The following POLR2D variants were observed in gnomAD, a reference collection of about 807,000 sequenced individuals.
POLR2D encodes RNA polymerase II subunit D, also known as DNA-directed RNA polymerase II subunit RPB4.
POLR2D carries 10 observed loss-of-function variants against 17.6 expected under a neutral mutation model. That is an observed-to-expected ratio of 0.57 (90% CI 0.35 to 0.96). The LOEUF (loss-of-function observed/expected upper bound fraction) is 0.96. Among genes scored for constraint, POLR2D ranks in the 40% least tolerant of loss-of-function variants. The pLI is 0.02. For missense variants in POLR2D, 126 were observed against 176.4 expected (o/e 0.71, Z 1.62); for synonymous variants, 52 against 60.2 (o/e 0.86, Z 0.63).
rs572655048 is a variant in POLR2D at position 127,846,659 on chromosome 2, T to C, written c.*1448A>G. 2.6e-5 allele frequency: 4 copies of C among 151,022 alleles called. No homozygotes were observed. Among genetic ancestry groups the C allele is most frequent in the South Asian group, 2.1e-4 (1 of 4,758 alleles). 9.4% of individuals were successfully genotyped at this position (151,022 alleles called of 1,614,324 possible). Reference sequence around the variant, plus strand: ...CCTATGAAGTAAAAAAAAAAAAAAATTTTTTTAAGTAGAATTGCAATTTTA... The same window carrying C: ...CCTATGAAGTAAAAAAAAAAAAAAACTTTTTTAAGTAGAATTGCAATTTTA... On this transcript the variant is annotated 3_prime_UTR_variant, in exon 4 of 4. Transcript: ENST00000272645.
In POLR2D at chr2:127,843,660, A is replaced by G. The variant is rs903657286; in HGVS notation, c.*4447T>C. The stretch of plus-strand genomic sequence containing the variant: ...CCTCAGGTCTAATAAATCTTAATAA[A>G]ACCAGAATGACTAGATGCTATGGTC... On this transcript the variant is annotated 3_prime_UTR_variant, in exon 4 of 4. Coordinates refer to ENST00000272645, the MANE Select transcript of POLR2D (RefSeq NM_004805.4). 1 of 152,554 alleles carries G rather than the reference A, an allele frequency of 6.6e-6. No homozygotes were observed. Among genetic ancestry groups the G allele is most frequent in the East Asian group, 1.9e-4 (1 of 5,198 alleles). 9.5% of individuals were successfully genotyped at this position (152,554 alleles called of 1,614,324 possible).
chr2:127,853,186 T>C, intron 1 of POLR2D, 81 bp from the exon 2 acceptor site: 1 of 1,115,262 alleles, frequency 9.0e-7, no homozygotes, highest in East Asian at 2.4e-5. Flanking sequence ...CATTTGAACA[T>C]TTCTCTGCCC....
chr2:127,856,250 C>T (rs997093160), intron 1 of POLR2D, among the ~76,000 whole-genome samples: 15 of 130,900 alleles, frequency 1.1e-4, no homozygotes, highest in Non-Finnish European at 1.7e-4. Context: ...GTGATCACAC[C>T]ACTGCACTCC....
intron 1 of POLR2D, among the ~76,000 whole-genome samples, chr2:127,853,816 C>T (rs1339488023): frequency 1.3e-5 from 2 of 152,114 alleles, no homozygotes; most frequent in Non-Finnish European, 2.9e-5. Context: ...TTAAGTTCAC[C>T]CACAGTTACA....
At position 127,852,320 on chromosome 2, in the gene POLR2D, A is replaced by G. The variant is rs1308264572; in HGVS notation, c.254+605T>C. Among the ~76,000 whole-genome samples the G allele has an allele frequency of 6.6e-6, 1 of 152,184 alleles. No individual in the cohort carries two copies. The highest frequency in any genetic ancestry group is 6.5e-5 in the Admixed American group (1 of 15,276). ...TACAGTGGCACAATCACAGCTCACT[A>G]AAGCCTCAACCTCCCAGGCTCACAT... is the stretch of plus-strand genomic sequence containing the variant. On this transcript the variant is annotated intron_variant, in intron 2 of 3. Transcript: ENST00000272645. The surrounding 1 kb of genome is among the most constrained non-coding windows in gnomAD (Gnocchi z 4.0).
chr2:127,853,559 A>AT (rs113011842), intron 1 of POLR2D, among the ~76,000 whole-genome samples: 12,802 of 148,890 alleles, frequency 0.086, 605 homozygotes, highest in Middle Eastern at 0.23. Flanking sequence ...TCGTTCTTTT[A>AT]TTTTTTTTTT....
chr2:127,857,710 G>T, intron 1 of POLR2D: 2 of 775,300 alleles, frequency 2.6e-6, no homozygotes, highest in Non-Finnish European at 3.3e-6. Flanking sequence ...TTCGGTTCAC[G>T]CTGGGCTCTT....
chr2:127,855,772 T>C (rs1207707277), intron 1 of POLR2D, among the ~76,000 whole-genome samples: 2 of 151,814 alleles, frequency 1.3e-5, no homozygotes, highest in African/African-American at 4.9e-5. Flanking sequence ...AAGGAACATT[T>C]TCAAGTGAAG....
rs1690371251 is a variant in POLR2D at position 127,858,082 on chromosome 2, C to G, written c.19G>C (p.Asp7His). 1 of 1,524,342 alleles carries G rather than the reference C, an allele frequency of 6.6e-7. No individual in the cohort carries two copies. Among genetic ancestry groups the G allele is most frequent in the African/African-American group, 1.4e-5 (1 of 69,648 alleles). 94.4% of individuals were successfully genotyped at this position (1,524,342 alleles called of 1,614,324 possible). Residue 7 changes from aspartate (D) to histidine (H), a missense_variant, in exon 1 of 4, where the codon GAT (aspartate) becomes CAT (histidine). Coordinates refer to ENST00000272645, the MANE Select transcript of POLR2D (RefSeq NM_004805.4). MAAGGS[D>H]PRAGDVEEDA... Reference sequence around the variant, plus strand: ...TCCTCTACGTCGCCAGCCCGCGGATCGCTGCCACCCGCCGCCATCGCCGCG... The same window carrying G: ...TCCTCTACGTCGCCAGCCCGCGGATGGCTGCCACCCGCCGCCATCGCCGCG...
chr2:127,857,855 C>T, intron 1 of POLR2D, 173 bp downstream of exon 1: 5 of 1,325,380 alleles, frequency 3.8e-6, no homozygotes, highest in Non-Finnish European at 4.8e-6. Flanking sequence ...CCCAGGCGGT[C>T]CCTCCCAAGG....
At chr2:127,850,935 A>C (rs1481687084) in intron 2 of POLR2D, among the ~76,000 whole-genome samples, 1 of 151,828 alleles carries the variant, frequency 6.6e-6, no homozygotes, top group African/African-American at 2.4e-5. Context: ...AAAATACAAA[A>C]ATTGCCAAGG....
At chr2:127,850,358 T>G (rs1250891842) in intron 3 of POLR2D, among the ~76,000 whole-genome samples, 7 of 143,270 alleles carry the variant, frequency 4.9e-5, no homozygotes. Flanking sequence ...GAGAATCGCT[T>G]GAACCCAGGA....
chr2:127,847,919 T>C lies in POLR2D; in HGVS notation c.*188A>G, dbSNP rs1392461493. On this transcript the variant is annotated 3_prime_UTR_variant, in exon 4 of 4. Coordinates refer to ENST00000272645, the MANE Select transcript of POLR2D (RefSeq NM_004805.4). ...GCCACTGCACAAGGCTGCTCCAAGATTCCATGTCACCTGGGCCTGTGAGTT... is the reference window on the plus strand; with the variant it reads ...GCCACTGCACAAGGCTGCTCCAAGACTCCATGTCACCTGGGCCTGTGAGTT... The C allele has an allele frequency of 1.6e-6, 1 of 613,282 alleles. No individual in the cohort carries two copies. Among genetic ancestry groups the C allele is most frequent in the Admixed American group, 2.7e-5 (1 of 37,586 alleles). 38.0% of individuals were successfully genotyped at this position (613,282 alleles called of 1,614,324 possible). A position where few individuals can be genotyped will look rare whatever the true frequency, so the allele number is the denominator to read the frequency against.
chr2:127,857,124 G>A (rs1156287314), intron 1 of POLR2D: 2 of 152,170 alleles, frequency 1.3e-5, no homozygotes, highest in African/African-American at 4.8e-5. Context: ...ACCAGCCTGG[G>A]CGACATAGTG....
Position 127,845,488 on chromosome 2 carries a change from G to A in POLR2D, c.*2619C>T, listed in dbSNP as rs1198629703. On this transcript the variant is annotated 3_prime_UTR_variant, in exon 4 of 4. Transcript: ENST00000272645. The stretch of plus-strand genomic sequence containing the variant: ...CCTCCCAGGTTCAAGCAATTCTCCT[G>A]CCTCAGCCTCCAGAGTAGCTGAGAT... 1.4e-5 allele frequency: 2 copies of A among 146,854 alleles called. No homozygotes were observed. The highest frequency in any genetic ancestry group is 3.0e-5 in the Non-Finnish European group (2 of 67,624). 9.1% of individuals were successfully genotyped at this position (146,854 alleles called of 1,614,324 possible). A position where few individuals can be genotyped will look rare whatever the true frequency, so the allele number is the denominator to read the frequency against.
intron 3 of POLR2D, among the ~76,000 whole-genome samples, chr2:127,850,304 GT>G (rs1690229955): frequency 6.6e-6 from 1 of 151,898 alleles, no homozygotes; most frequent in South Asian, 2.1e-4. Flanking sequence ...GCCAAGTGTG[GT>G]GGTGCGTGCC....
chr2:127,855,189 G>C (rs920917987), intron 1 of POLR2D, among the ~76,000 whole-genome samples: 4 of 151,976 alleles, frequency 2.6e-5, no homozygotes, highest in Non-Finnish European at 4.4e-5. Flanking sequence ...CTGAGGTCAG[G>C]AGTTCGAGAC....
At chr2:127,854,831 G>A (rs149898265) in intron 1 of POLR2D, among the ~76,000 whole-genome samples, 173 of 152,166 alleles carry the variant, frequency 1.1e-3, no homozygotes, top group Middle Eastern at 6.8e-3. Context: ...TTACTACAGT[G>A]AGAGCCTATT....
intron 3 of POLR2D, among the ~76,000 whole-genome samples, chr2:127,849,541 T>A (rs1350489871): frequency 6.6e-6 from 1 of 152,258 alleles, no homozygotes; most frequent in Non-Finnish European, 1.5e-5. Context: ...CAGCATAGTT[T>A]CAAACTTTAT....
Sources: gnomAD v4.1 joint callset for allele counts (sites outside exome capture counted in the v4.1 genomes callset) on GRCh38, gnomAD v4.1.1 for gene constraint, Gnocchi (gnomAD v3.1) non-coding constraint, MANE v1.5 for transcripts, NCBI Gene and HGNC (gene_info 2026-07-23, HGNC 2026-07-21) for gene names.